The following SMARCA4 variants were observed in gnomAD, a reference collection of about 807,000 sequenced individuals.
The protein encoded by SMARCA4 is SWI/SNF related BAF chromatin remodeling complex subunit ATPase 4, also known as SWI/SNF-related matrix-associated actin-dependent regulator of chromatin subfamily A member 4.
A neutral mutation model predicts 193.9 loss-of-function variants in SMARCA4; 31 were observed. That is an observed-to-expected ratio of 0.16 (90% confidence interval 0.12 to 0.22). The LOEUF is 0.22. Ranked by LOEUF, SMARCA4 falls within the 10% of genes least tolerant of loss-of-function variation. The pLI is 1.00. For missense variants in SMARCA4, 1,148 were observed against 2,296.0 expected, an observed-to-expected ratio of 0.50 and a Z score of 10.22; for synonymous variants, 942 against 933.1, an observed-to-expected ratio of 1.01 and a Z score of -0.17.
intron 1 of SMARCA4, among the ~76,000 whole-genome samples, chr19:10,968,509 TC>T (rs563787540): frequency 4.2e-4 from 64 of 152,146 alleles, no homozygotes; most frequent in Middle Eastern, 6.8e-3. Context: ...GTTTTTTTTT[TC>T]TTTCCACTTT....
Position 10,986,739 on chromosome 19 carries a change from T to G in SMARCA4, c.760+146T>G. 5.3e-6 allele frequency: 7 copies of G among 1,330,670 alleles called. No homozygotes were observed. The South Asian group carries it at 8.9e-5, about 17-fold the overall frequency. The allele number at this position is 1,330,670 out of a possible 1,614,324, so 82.4% of individuals were successfully genotyped here. On this transcript the variant is annotated intron_variant, in intron 4 of 34. Coordinates refer to ENST00000344626, the MANE Select transcript of SMARCA4 (RefSeq NM_003072.5). This position sits in a 1 kb window ranked among gnomAD's most constrained non-coding sequence, Gnocchi z 6.7. ...CATACTGCACTTCTGGGTGCTCGGG[T>G]GGTGGGGGCAGCTAAATGCTGCTTC...
intron 16 of SMARCA4, among the ~76,000 whole-genome samples, chr19:11,013,502 C>A (rs764864596): frequency 6.6e-6 from 1 of 152,158 alleles, no homozygotes; most frequent in Non-Finnish European, 1.5e-5. Context: ...GGGGTCAGGA[C>A]TGCTCCACCA....
chr19:10,965,971 T>A (rs991539365), intron 1 of SMARCA4, among the ~76,000 whole-genome samples: 1 of 59,014 alleles, frequency 1.7e-5, no homozygotes, highest in Non-Finnish European at 3.6e-5. Context: ...AGTGGCATGG[T>A]TTTTTTTTTT....
At position 10,986,520 on chromosome 19, in the gene SMARCA4, A is replaced by ACCCGGCCCTGGCCCTGGCCCTGGC. The variant is rs1568423251; in HGVS notation, c.696_719dup (p.Gly237_Pro244dup). The ACCCGGCCCTGGCCCTGGCCCTGGC allele has an allele frequency of 1.9e-6, 3 of 1,543,708 alleles. No individual in the cohort carries two copies. Among genetic ancestry groups the ACCCGGCCCTGGCCCTGGCCCTGGC allele is most frequent in the Non-Finnish European group, 2.6e-6 (3 of 1,146,724 alleles). Reference sequence around the variant, plus strand: ...CTCCACCCTCGGTGTCCGCAACAGGACCCGGCCCTGGCCCTGGCCCTGGCC... The same window carrying ACCCGGCCCTGGCCCTGGCCCTGGC: ...CTCCACCCTCGGTGTCCGCAACAGGACCCGGCCCTGGCCCTGGCCCTGGCCCCGGCCCTGGCCCTGGCCCTGGCC... On this transcript the variant is annotated inframe_insertion, in exon 4 of 35. Coordinates refer to ENST00000344626, the MANE Select transcript of SMARCA4 (RefSeq NM_003072.5). This position sits in a 1 kb window ranked among gnomAD's most constrained non-coding sequence, Gnocchi z 6.7.
At chr19:10,998,442 A>G (rs1422371637) in intron 11 of SMARCA4, among the ~76,000 whole-genome samples, 1 of 150,848 alleles carries the variant, frequency 6.6e-6, no homozygotes, top group East Asian at 1.9e-4. Flanking sequence ...CTGTAGGGAG[A>G]TACTTGAGAC....
At chr19:11,046,948 C>CAAAAA (rs35450843) in intron 30 of SMARCA4, among the ~76,000 whole-genome samples, 4 of 91,842 alleles carry the variant, frequency 4.4e-5, no homozygotes, top group South Asian at 3.7e-4. Context: ...GACCCTGTTG[C>CAAAAA]AAAAAAAAAA....
At chr19:10,982,848 C>T (rs747228749) in intron 1 of SMARCA4, among the ~76,000 whole-genome samples, 51 of 152,148 alleles carry the variant, frequency 3.4e-4, no homozygotes, top group Non-Finnish European at 6.3e-4. Flanking sequence ...AATGTTTCTA[C>T]ACTTCTTACA....
At position 11,044,619 on chromosome 19, in the gene SMARCA4, G is replaced by A. The variant is rs143266974; in HGVS notation, c.4424+3059G>A. On this transcript the variant is annotated intron_variant, in intron 30 of 34. Coordinates refer to ENST00000344626, the MANE Select transcript of SMARCA4 (RefSeq NM_003072.5). ...CACCAGCACCCGCCCCAGAACGGCC[G>A]AATGCCCATCAGTGCTGGCAAGTCT... 3.9e-3 allele frequency among the ~76,000 whole-genome samples: 594 copies of A among 152,316 alleles called. 4 individuals carry two copies. Among genetic ancestry groups the A allele is most frequent in the African/African-American group, 0.013 (539 of 41,580 alleles).
intron 11 of SMARCA4, among the ~76,000 whole-genome samples, chr19:10,999,848 A>T (rs1345510325): frequency 6.6e-6 from 1 of 152,206 alleles, no homozygotes; most frequent in South Asian, 2.1e-4. Context: ...GCTAATGGAC[A>T]CCTCTATGCA....
At chr19:11,009,283 G>A (rs1339978175) in intron 14 of SMARCA4, among the ~76,000 whole-genome samples, 2 of 151,930 alleles carry the variant, frequency 1.3e-5, no homozygotes, top group Admixed American at 1.3e-4. Flanking sequence ...AGCTCCCAAA[G>A]TGCTGGGATT....
chr19:11,035,244 C>T (rs1393424871), intron 29 of SMARCA4, 112 bp downstream of exon 29: 8 of 994,348 alleles, frequency 8.0e-6, no homozygotes, highest in South Asian at 2.8e-5. Flanking sequence ...TTTCCTTGGG[C>T]CACTCCTGGC....
At chr19:11,013,224 T>G in intron 16 of SMARCA4, 112 bp downstream of exon 16, 1 of 1,292,446 alleles carries the variant, frequency 7.7e-7, no homozygotes, top group South Asian at 1.3e-5. Flanking sequence ...TTACAGAAAT[T>G]TGTTTTCCTG....
intron 15 of SMARCA4, 170 bp from the exon 16 acceptor site, chr19:11,012,779 A>G (rs2088975249): frequency 2.9e-6 from 2 of 693,190 alleles, no homozygotes; most frequent in Non-Finnish European, 5.3e-6. Context: ...AGGCTAAGCG[A>G]TAAAGAATCA....
At chr19:10,973,744 T>G (rs1035107367) in intron 1 of SMARCA4, among the ~76,000 whole-genome samples, 3 of 152,066 alleles carry the variant, frequency 2.0e-5, no homozygotes, top group Non-Finnish European at 4.4e-5. Flanking sequence ...TAATTTTTTG[T>G]ATTTTTAGTA....
intron 11 of SMARCA4, among the ~76,000 whole-genome samples, chr19:10,997,362 C>A (rs2087172354): frequency 6.6e-6 from 1 of 152,088 alleles, no homozygotes; most frequent in Non-Finnish European, 1.5e-5. Flanking sequence ...CCACGCCCGG[C>A]TAATTTTTTG....
In SMARCA4 at chr19:11,034,000, C is replaced by A; in HGVS notation, c.3874-123C>A. Reference sequence around the variant, plus strand: ...TGCCTTTCGCTGCCGTGTGGGTCCCCATCCACCGCAGCCGTGCCGGGACCA... The same window carrying A: ...TGCCTTTCGCTGCCGTGTGGGTCCCAATCCACCGCAGCCGTGCCGGGACCA... On this transcript the variant is annotated intron_variant, in intron 27 of 34. Coordinates refer to ENST00000344626, the MANE Select transcript of SMARCA4 (RefSeq NM_003072.5). This position sits in a 1 kb window ranked among gnomAD's most constrained non-coding sequence, Gnocchi z 9.8. The A allele has an allele frequency of 1.3e-6, 1 of 788,998 alleles. No individual in the cohort carries two copies. The highest frequency in any genetic ancestry group is 1.7e-5 in the African/African-American group (1 of 59,484). 48.9% of individuals were successfully genotyped at this position (788,998 alleles called of 1,614,324 possible). A position where few individuals can be genotyped will look rare whatever the true frequency, so the allele number is the denominator to read the frequency against.
At position 10,980,414 on chromosome 19, in the gene SMARCA4, G is replaced by T. The variant is rs545730134; in HGVS notation, c.-31-3707G>T. ...GTTAGCGCTGCTTTGAGTTGGAGCC[G>T]TTCCTGGAGGCTGTGACGGCATCGC... On this transcript the variant is annotated intron_variant, in intron 1 of 34. Transcript: ENST00000344626. 2.5e-4 allele frequency among the ~76,000 whole-genome samples: 38 copies of T among 152,276 alleles called. 2 individuals are homozygous for T. The South Asian group carries it at 7.9e-3, about 32-fold the overall frequency.
chr19:10,998,988 A>G (rs1241590005), intron 11 of SMARCA4, among the ~76,000 whole-genome samples: 1 of 150,236 alleles, frequency 6.7e-6, no homozygotes, highest in Non-Finnish European at 1.5e-5. Flanking sequence ...CTGTAGTCTC[A>G]ACCTCCTGGA....
chr19:11,037,497 T>A (rs946693962), intron 29 of SMARCA4, among the ~76,000 whole-genome samples: 2 of 152,242 alleles, frequency 1.3e-5, no homozygotes, highest in African/African-American at 2.4e-5. Flanking sequence ...TTACCCAAAT[T>A]TAAAATATAT....
Sources: gnomAD v4.1 joint callset for allele counts (sites outside exome capture counted in the v4.1 genomes callset) on GRCh38, gnomAD v4.1.1 for gene constraint, Gnocchi (gnomAD v3.1) non-coding constraint, MANE v1.5 for transcripts, NCBI Gene and HGNC (gene_info 2026-07-23, HGNC 2026-07-21) for gene names.